The following AGBL4 variants were observed in gnomAD, a reference collection of about 807,000 sequenced individuals.
AGBL4 encodes the protein AGBL carboxypeptidase 4, also known as cytosolic carboxypeptidase 6.
Under a neutral mutation model 66.4 loss-of-function variants are expected in AGBL4, and 58 were observed. The observed-to-expected ratio is 0.87, with a 90% CI of 0.71 to 1.09. The LOEUF (loss-of-function observed/expected upper bound fraction) is 1.09, where lower values mean the gene tolerates loss of function less well. Among genes scored for constraint, AGBL4 ranks in the 50% least tolerant of loss-of-function variants. The probability of loss-of-function intolerance (pLI) is 0.00; values close to 1 mark genes in which losing one functional copy is unlikely to be tolerated. For synonymous variants in AGBL4, 234 were observed against 222.9 expected, an observed-to-expected ratio of 1.05 and a Z score of -0.44; for missense variants, 579 against 631.0, an observed-to-expected ratio of 0.92 and a Z score of 0.88.
At chr1:49,845,912 C>A in intron 2 of AGBL4, 1 of 1,438,972 alleles carries the variant, frequency 6.9e-7, no homozygotes, top group East Asian at 2.3e-5. Flanking sequence ...AGGGCAGAAG[C>A]CCTACAAATG....
intron 1 of AGBL4, among the ~76,000 whole-genome samples, chr1:49,879,068 T>C (rs1329271624): frequency 4.2e-5 from 4 of 95,718 alleles, no homozygotes; most frequent in African/African-American, 1.7e-4. Context: ...GCACGTGAGA[T>C]GGGTTTCCTG....
intron 5 of AGBL4, among the ~76,000 whole-genome samples, chr1:48,931,081 G>C (rs1275772085): frequency 1.3e-5 from 2 of 152,122 alleles, no homozygotes; most frequent in African/African-American, 2.4e-5. Flanking sequence ...AAAAACTTAA[G>C]TGCCATCTCA....
chr1:49,504,072 A>G (rs1648454454), intron 3 of AGBL4, among the ~76,000 whole-genome samples: 1 of 152,124 alleles, frequency 6.6e-6, no homozygotes, highest in African/African-American at 2.4e-5. Flanking sequence ...CAAGGGTGGG[A>G]CAAGGTGGAG....
intron 3 of AGBL4, among the ~76,000 whole-genome samples, chr1:49,668,417 G>T (rs1646410526): frequency 6.6e-6 from 1 of 152,102 alleles, no homozygotes. Context: ...AGAAATAATT[G>T]TCAAGTCAAT....
intron 3 of AGBL4, among the ~76,000 whole-genome samples, chr1:49,559,973 C>A (rs757632954): frequency 6.6e-6 from 1 of 152,114 alleles, no homozygotes; most frequent in African/African-American, 2.4e-5. Context: ...CACCCAAGTT[C>A]TTTCAAATAT....
At chr1:49,864,894 C>T (rs568252738) in intron 1 of AGBL4, among the ~76,000 whole-genome samples, 69 of 152,296 alleles carry the variant, frequency 4.5e-4, no homozygotes, top group African/African-American at 1.2e-3. Context: ...CACTGCAGCT[C>T]CAGTCTGCTG....
intron 1 of AGBL4, chr1:49,995,043 G>C (rs1411542525): frequency 2.3e-6 from 1 of 443,070 alleles, no homozygotes; most frequent in South Asian, 1.6e-5. Flanking sequence ...TCCATGGGGA[G>C]AGATGCCACT....
intron 3 of AGBL4, among the ~76,000 whole-genome samples, chr1:49,290,406 T>C (rs566261020): frequency 1.3e-5 from 2 of 152,324 alleles, no homozygotes; most frequent in African/African-American, 4.8e-5. Context: ...TATTTAAAGC[T>C]TGTGCCTGAG....
intron 2 of AGBL4, among the ~76,000 whole-genome samples, chr1:49,830,365 G>C (rs1645634296): frequency 6.6e-6 from 1 of 152,176 alleles, no homozygotes; most frequent in Non-Finnish European, 1.5e-5. Context: ...CTAATGACCA[G>C]TGACGATGAG....
At chr1:49,603,527 A>AAAT (rs1645002367) in intron 3 of AGBL4, among the ~76,000 whole-genome samples, 4 of 140,650 alleles carry the variant, frequency 2.8e-5, no homozygotes, top group Admixed American at 2.2e-4. Flanking sequence ...TCCATCTCAA[A>AAAT]AAATAAATAA....
intron 3 of AGBL4, among the ~76,000 whole-genome samples, chr1:49,392,014 G>A (rs1304307985): frequency 6.6e-6 from 1 of 152,128 alleles, no homozygotes; most frequent in Non-Finnish European, 1.5e-5. Flanking sequence ...AGCACTGGCT[G>A]TTCTAGATAT....
chr1:49,808,739 T>G (rs914899598), intron 2 of AGBL4, among the ~76,000 whole-genome samples: 1 of 152,142 alleles, frequency 6.6e-6, no homozygotes, highest in Non-Finnish European at 1.5e-5. Flanking sequence ...GTTCCTAACA[T>G]AGTAGAAACT....
chr1:48,897,976 ATT>A (rs1031421830), intron 5 of AGBL4, among the ~76,000 whole-genome samples: 3 of 151,110 alleles, frequency 2.0e-5, no homozygotes, highest in Admixed American at 6.6e-5. Flanking sequence ...TACCCGGCTA[ATT>A]TTTTTTGTAT....
chr1:49,837,589 G>C (rs1230529513), intron 2 of AGBL4, among the ~76,000 whole-genome samples: 1 of 152,208 alleles, frequency 6.6e-6, no homozygotes, highest in Admixed American at 6.5e-5. Flanking sequence ...GCTCACACCT[G>C]TAATCCCAGC....
At chr1:48,884,976 T>G (rs1243802585) in intron 5 of AGBL4, among the ~76,000 whole-genome samples, 1 of 9,514 alleles carries the variant, frequency 1.1e-4, no homozygotes, top group African/African-American at 1.7e-4. Context: ...GAGAGGCAGA[T>G]TTAAAAAAAA....
intron 6 of AGBL4, among the ~76,000 whole-genome samples, chr1:48,716,811 C>T (rs1431379864): frequency 6.6e-6 from 1 of 152,174 alleles, no homozygotes; most frequent in African/African-American, 2.4e-5. Flanking sequence ...CTAGAGCTGG[C>T]ATTTCCTGAG....
intron 1 of AGBL4, among the ~76,000 whole-genome samples, chr1:49,896,690 C>A (rs1649250849): frequency 1.4e-5 from 2 of 145,068 alleles, no homozygotes; most frequent in Admixed American, 1.4e-4. Context: ...AAAATTGATG[C>A]AAAAATTCTC....
intron 6 of AGBL4, among the ~76,000 whole-genome samples, chr1:48,833,998 G>C (rs1184037330): frequency 6.6e-6 from 1 of 152,138 alleles, no homozygotes; most frequent in Non-Finnish European, 1.5e-5. Context: ...CTTAGGGGCA[G>C]AGCATTGAAT....
chr1:48,686,051 C>T (rs1646526210), intron 6 of AGBL4, among the ~76,000 whole-genome samples: 1 of 152,140 alleles, frequency 6.6e-6, no homozygotes, highest in African/African-American at 2.4e-5. Context: ...TTCATTGAAT[C>T]CCCTCCAAAT....
Sources: allele counts gnomAD v4.1 joint callset (sites outside exome capture counted in the v4.1 genomes callset), GRCh38; gene constraint gnomAD v4.1.1; transcripts MANE v1.5; gene names NCBI Gene and HGNC (gene_info 2026-07-23, HGNC 2026-07-21).